The following SRGAP1 variants were observed in gnomAD, a reference collection of about 807,000 sequenced individuals.
SRGAP1 encodes SLIT-ROBO Rho GTPase activating protein 1.
A neutral mutation model predicts 121.9 loss-of-function variants in SRGAP1; 43 were observed. The observed-to-expected ratio is 0.35, with a 90% CI of 0.28 to 0.46. The LOEUF is 0.46. SRGAP1 is among the 20% of genes least tolerant of loss of function. The probability of loss-of-function intolerance (pLI) is 1.00; values close to 1 mark genes in which losing one functional copy is unlikely to be tolerated. For missense variants in SRGAP1, 1,102 were observed against 1,350.9 expected (o/e 0.82, Z 2.89); for synonymous variants, 447 against 485.4 (o/e 0.92, Z 1.04).
At chr12:63,857,442 C>T (rs1331717753) in intron 1 of SRGAP1, among the ~76,000 whole-genome samples, 1 of 151,452 alleles carries the variant, frequency 6.6e-6, no homozygotes, top group African/African-American at 2.4e-5. Context: ...AGTGCAGTGG[C>T]ATGGTCTCGG....
At chr12:63,983,228 TG>T (rs2033298883) in intron 1 of SRGAP1, 1 of 152,198 alleles carries the variant, frequency 6.6e-6, no homozygotes, top group African/African-American at 2.4e-5. Context: ...AAATGTGTAA[TG>T]GTTCAGAGCC....
rs955090229 is a variant in SRGAP1 at position 64,144,914 on chromosome 12, G to A, written c.*2242G>A. 3 of 137,294 alleles carry A rather than the reference G, an allele frequency of 2.2e-5. No individual in the cohort carries two copies. Among genetic ancestry groups the A allele is most frequent in the African/African-American group, 5.6e-5 (2 of 35,526 alleles). The allele number at this position is 137,294 out of a possible 1,614,324, so 8.5% of individuals were successfully genotyped here. A position where few individuals can be genotyped will look rare whatever the true frequency, so the allele number is the denominator to read the frequency against. On this transcript the variant is annotated 3_prime_UTR_variant, in exon 22 of 22. Coordinates refer to ENST00000355086, the MANE Select transcript of SRGAP1 (RefSeq NM_020762.4). ...GGCCAGAGTACAGTGGTGCAATCTC[G>A]GCTCCCTGCAACCTCCATCTCCCGG...
Position 64,147,098 on chromosome 12 carries a change from ATATT to A in SRGAP1, c.*4429_*4432del. 1 of 167,586 alleles carries A rather than the reference ATATT, an allele frequency of 6.0e-6. No homozygotes were observed. The highest frequency in any genetic ancestry group is 1.3e-5 in the Non-Finnish European group (1 of 78,778). 10.4% of individuals were successfully genotyped at this position (167,586 alleles called of 1,614,324 possible). ...GTGTGTAGTGTGATGGTTATTATAGATATTTAAAGTATAGTAAGTGGCTGTGTAA... is the reference window on the plus strand; with the variant it reads ...GTGTGTAGTGTGATGGTTATTATAGATAAAGTATAGTAAGTGGCTGTGTAA... On this transcript the variant is annotated 3_prime_UTR_variant, in exon 22 of 22. Transcript: ENST00000355086.
At chr12:63,973,191 G>C (rs1261166695) in intron 1 of SRGAP1, among the ~76,000 whole-genome samples, 1 of 152,028 alleles carries the variant, frequency 6.6e-6, no homozygotes, top group Non-Finnish European at 1.5e-5. Context: ...CTAGACCCTT[G>C]GCACCTAAAC....
At chr12:64,016,167 C>G (rs1346592003) in intron 3 of SRGAP1, among the ~76,000 whole-genome samples, 3 of 152,038 alleles carry the variant, frequency 2.0e-5, no homozygotes, top group Admixed American at 6.5e-5. Context: ...GCTTTCTTGC[C>G]AGGCTCAGTG....
At chr12:64,136,919 G>A (rs946896801) in intron 21 of SRGAP1, among the ~76,000 whole-genome samples, 1 of 152,210 alleles carries the variant, frequency 6.6e-6, no homozygotes, top group East Asian at 1.9e-4. Context: ...AGGCATATAA[G>A]GTCTGTTTAA....
At chr12:64,059,601 C>G (rs1046588787) in intron 6 of SRGAP1, among the ~76,000 whole-genome samples, 7 of 151,596 alleles carry the variant, frequency 4.6e-5, no homozygotes, top group Admixed American at 4.6e-4. Flanking sequence ...ACTGGTACAT[C>G]TAAAAAAAAA....
intron 10 of SRGAP1, among the ~76,000 whole-genome samples, chr12:64,082,831 A>G (rs2035871890): frequency 6.6e-6 from 1 of 152,162 alleles, no homozygotes; most frequent in Non-Finnish European, 1.5e-5. Flanking sequence ...TAAAACCTTC[A>G]CAGGACTCCA....
intron 8 of SRGAP1, among the ~76,000 whole-genome samples, chr12:64,073,159 G>A (rs963137178): frequency 2.0e-5 from 3 of 152,008 alleles, no homozygotes; most frequent in Non-Finnish European, 2.9e-5. Context: ...TGTCTGTTGC[G>A]AGCATCCCAT....
chr12:64,069,821 A>G (rs1269439910), intron 8 of SRGAP1, among the ~76,000 whole-genome samples: 1 of 152,106 alleles, frequency 6.6e-6, no homozygotes, highest in Non-Finnish European at 1.5e-5. Context: ...CAGTGTCTCT[A>G]CAAATAACTA....
chr12:63,845,334 G>C (rs1898868202), intron 1 of SRGAP1, among the ~76,000 whole-genome samples: 1 of 152,114 alleles, frequency 6.6e-6, no homozygotes, highest in Non-Finnish European at 1.5e-5. Context: ...TTGAGTGCAG[G>C]CTATTTCAGA....
intron 18 of SRGAP1, among the ~76,000 whole-genome samples, chr12:64,119,860 TC>T (rs538857508): frequency 7.0e-6 from 1 of 143,482 alleles, no homozygotes; most frequent in South Asian, 2.4e-4. Context: ...AAACTCCGCC[TC>T]CCAGGTTCAA....
chr12:63,885,281 A>G (rs1200119308), intron 1 of SRGAP1, among the ~76,000 whole-genome samples: 2 of 152,100 alleles, frequency 1.3e-5, no homozygotes, highest in Non-Finnish European at 2.9e-5. Context: ...GGAGTGGCTC[A>G]CAGAACTTAG....
intron 6 of SRGAP1, among the ~76,000 whole-genome samples, chr12:64,054,944 G>A (rs1037960223): frequency 3.7e-5 from 5 of 135,612 alleles, no homozygotes; most frequent in Admixed American, 2.6e-4. Flanking sequence ...GTGTCCATGT[G>A]AGCTCATTGT....
chr12:64,020,858 AAAAAG>A lies in SRGAP1; in HGVS notation c.489+3855_489+3859del, dbSNP rs1159260222. The stretch of plus-strand genomic sequence containing the variant: ...GACTCCGTCTCAAAAAAAAAAAAAA[AAAAAG>A]AAAAGAAAGATGATTACTTCAGCCT... On this transcript the variant is annotated intron_variant, in intron 4 of 21. Transcript: ENST00000355086. Among the ~76,000 whole-genome samples the A allele has an allele frequency of 3.3e-5, 5 of 151,648 alleles. No homozygotes were observed. The East Asian group carries it at 9.7e-4, about 29-fold the overall frequency.
At chr12:64,043,734 C>T in intron 6 of SRGAP1, 159 bp downstream of exon 6, 1 of 524,410 alleles carries the variant, frequency 1.9e-6, no homozygotes, top group Non-Finnish European at 3.2e-6. Flanking sequence ...AATATGAAGA[C>T]ACTATCATCT....
chr12:64,039,563 T>C (rs946167098), intron 4 of SRGAP1, among the ~76,000 whole-genome samples: 1 of 151,772 alleles, frequency 6.6e-6, no homozygotes, highest in Non-Finnish European at 1.5e-5. Context: ...TTCATCCAAG[T>C]GTAATGAGAG....
At chr12:64,008,120 C>T (rs892938798) in intron 3 of SRGAP1, among the ~76,000 whole-genome samples, 12 of 152,252 alleles carry the variant, frequency 7.9e-5, no homozygotes, top group Middle Eastern at 3.4e-3. Context: ...CTTTTAACAA[C>T]GCTATGGAGT....
chr12:64,106,925 T>C lies in SRGAP1; in HGVS notation c.1814-2007T>C, dbSNP rs555540203. On this transcript the variant is annotated intron_variant, in intron 15 of 21. Coordinates refer to ENST00000355086, the MANE Select transcript of SRGAP1 (RefSeq NM_020762.4). Reference sequence around the variant, plus strand: ...ACTAAGATCACACTATTATAAATTATAGATTTATATTGAAAGAATAAAAAT... The same window carrying C: ...ACTAAGATCACACTATTATAAATTACAGATTTATATTGAAAGAATAAAAAT... Among the ~76,000 whole-genome samples the C allele has an allele frequency of 9.2e-5, 14 of 152,324 alleles. No individual in the cohort carries two copies. In the South Asian group the frequency reaches 2.9e-3, roughly 32 times the overall value.
Sources: gnomAD v4.1 joint callset for allele counts (sites outside exome capture counted in the v4.1 genomes callset) on GRCh38, gnomAD v4.1.1 for gene constraint, MANE v1.5 for transcripts, NCBI Gene and HGNC (gene_info 2026-07-23, HGNC 2026-07-21) for gene names.